The following ACTR3C variants were observed in gnomAD, a reference collection of about 807,000 sequenced individuals.
The protein encoded by ACTR3C is actin related protein 3C, also known as actin-related protein 3C.
A neutral mutation model predicts 26.3 loss-of-function variants in ACTR3C; 18 were observed. The observed-to-expected ratio is 0.68, with a 90% confidence interval of 0.47 to 1.01. The LOEUF is 1.01. Among genes scored for constraint, ACTR3C ranks in the 50% least tolerant of loss-of-function variants. The pLI is 0.00. For missense variants in ACTR3C, 184 were observed against 250.7 expected, an observed-to-expected ratio of 0.73 and a Z score of 1.80; for synonymous variants, 55 against 94.5, an observed-to-expected ratio of 0.58 and a Z score of 2.42.
the ACTR3C span, among the ~76,000 whole-genome samples, chr7:150,193,991 G>GACACACACACACACAC: frequency 7.6e-6 from 1 of 131,964 alleles, no homozygotes; most frequent in Non-Finnish European, 1.7e-5. Flanking sequence ...TACACACACA[G>GACACACACACACACAC]ACACACACAC....
the ACTR3C span, among the ~76,000 whole-genome samples, chr7:149,982,251 C>T: frequency 6.6e-6 from 1 of 152,170 alleles, no homozygotes; most frequent in Non-Finnish European, 1.5e-5. Flanking sequence ...TGCCTTAGCT[C>T]TCTCTGACTC....
chr7:150,298,357 G>A (rs1262428805), intron 1 of ACTR3C, among the ~76,000 whole-genome samples: 5 of 150,074 alleles, frequency 3.3e-5, no homozygotes, highest in Admixed American at 1.3e-4. Flanking sequence ...AAAACATGAA[G>A]CATAACATTT....
chr7:150,004,176 T>A, the ACTR3C span, among the ~76,000 whole-genome samples: 1 of 151,846 alleles, frequency 6.6e-6, no homozygotes, highest in Non-Finnish European at 1.5e-5. Context: ...GTATGATGTA[T>A]GATGTCATAT....
At chr7:150,041,908 G>T in the ACTR3C span, among the ~76,000 whole-genome samples, 913 of 78,514 alleles carry the variant, frequency 0.012, 10 homozygotes, top group Non-Finnish European at 0.022. Context: ...GGTCCTCAGA[G>T]CCAGGGGGGG....
At chr7:149,962,904 C>G in the ACTR3C span, among the ~76,000 whole-genome samples, 1 of 152,222 alleles carries the variant, frequency 6.6e-6, no homozygotes, top group Non-Finnish European at 1.5e-5. Flanking sequence ...GAAGACTGCA[C>G]TGAGTGGCAG....
chr7:150,099,545 C>T, the ACTR3C span, among the ~76,000 whole-genome samples: 11 of 151,454 alleles, frequency 7.3e-5, 1 homozygote, highest in African/African-American at 2.4e-4. Flanking sequence ...GACATCCGAC[C>T]CTAGGCTGTG....
chr7:150,161,418 A>G, the ACTR3C span, among the ~76,000 whole-genome samples: 1 of 151,164 alleles, frequency 6.6e-6, no homozygotes, highest in South Asian at 2.1e-4. Flanking sequence ...CCTGTGTCCA[A>G]GTGTTCTCAT....
the ACTR3C span, among the ~76,000 whole-genome samples, chr7:150,124,284 T>C: frequency 6.6e-6 from 1 of 152,226 alleles, no homozygotes; most frequent in African/African-American, 2.4e-5. Flanking sequence ...AAATACATTT[T>C]TCCATTATCA....
intron 6 of ACTR3C, among the ~76,000 whole-genome samples, chr7:150,278,511 T>C (rs1478478235): frequency 1.3e-5 from 2 of 152,238 alleles, no homozygotes; most frequent in Non-Finnish European, 2.9e-5. Context: ...AGCACAGCCC[T>C]GACATGCCCT....
intron 6 of ACTR3C, among the ~76,000 whole-genome samples, chr7:150,261,162 T>G (rs1833609750): frequency 1.3e-5 from 2 of 152,330 alleles, no homozygotes; most frequent in South Asian, 4.1e-4. Context: ...GGAGCCACTG[T>G]GAATGTGATA....
the ACTR3C span, among the ~76,000 whole-genome samples, chr7:150,114,618 G>A: frequency 8.1e-3 from 1,234 of 152,198 alleles, 16 homozygotes; most frequent in African/African-American, 0.027. Flanking sequence ...TGTGACAAAC[G>A]CGTATCTATT....
the ACTR3C span, among the ~76,000 whole-genome samples, chr7:150,153,380 AAAAC>A: frequency 6.8e-6 from 1 of 146,738 alleles, no homozygotes; most frequent in East Asian, 2.0e-4. Context: ...TTACAAGAAA[AAAAC>A]AAACAACCCC....
chr7:150,111,901 G>A, the ACTR3C span, among the ~76,000 whole-genome samples: 60 of 151,726 alleles, frequency 4.0e-4, no homozygotes, highest in Admixed American at 3.9e-3. Flanking sequence ...CGGCGCGCTG[G>A]CCCGCCTCAC....
At chr7:150,323,358 C>G (rs933748792) in intron 1 of ACTR3C, 111 bp downstream of exon 1, 2 of 283,824 alleles carry the variant, frequency 7.0e-6, no homozygotes, top group Non-Finnish European at 1.4e-5. Flanking sequence ...GTTCCGGGAG[C>G]TCAGGCCTGC....
the ACTR3C span, among the ~76,000 whole-genome samples, chr7:150,009,722 G>A: frequency 6.6e-6 from 1 of 152,238 alleles, no homozygotes; most frequent in African/African-American, 2.4e-5. Context: ...CGGACAGAGA[G>A]AAACACCAGA....
chr7:150,107,168 A>T, the ACTR3C span, among the ~76,000 whole-genome samples: 1 of 146,096 alleles, frequency 6.8e-6, no homozygotes, highest in Non-Finnish European at 1.5e-5. Flanking sequence ...GTTTGTTGTC[A>T]TTTGCTGCCG....
chr7:150,136,894 G>A, the ACTR3C span, among the ~76,000 whole-genome samples: 1 of 152,172 alleles, frequency 6.6e-6, no homozygotes, highest in Non-Finnish European at 1.5e-5. Context: ...GTGGAAGACA[G>A]TTTGTCCATG....
chr7:150,251,889 A>C (rs1832875595), intron 6 of ACTR3C, among the ~76,000 whole-genome samples: 2 of 152,180 alleles, frequency 1.3e-5, no homozygotes, highest in South Asian at 2.1e-4. Context: ...AATTTTTAAA[A>C]ATAGAAATAA....
chr7:150,142,027 A>G, the ACTR3C span, among the ~76,000 whole-genome samples: 1 of 152,178 alleles, frequency 6.6e-6, no homozygotes, highest in East Asian at 1.9e-4. Flanking sequence ...CCATGGGGCA[A>G]TGATAAAGAG....
Sources: gnomAD v4.1 joint callset for allele counts (sites outside exome capture counted in the v4.1 genomes callset) on GRCh38, gnomAD v4.1.1 for gene constraint, MANE v1.5 for transcripts, NCBI Gene and HGNC (gene_info 2026-07-23, HGNC 2026-07-21) for gene names.